The following AK3 variants were observed in gnomAD, a reference collection of about 807,000 sequenced individuals.
AK3 encodes the protein adenylate kinase 3.
Under a neutral mutation model 23.7 loss-of-function variants are expected in AK3, and 27 were observed. The observed-to-expected ratio is 1.14, with a 90% CI of 0.84 to 1.57. The LOEUF (loss-of-function observed/expected upper bound fraction) is 1.57, where lower values mean the gene tolerates loss of function less well. AK3 is among the 40% of genes most tolerant of loss of function. The probability of loss-of-function intolerance (pLI) is 0.00; values close to 1 mark genes in which losing one functional copy is unlikely to be tolerated. For synonymous variants in AK3, 159 were observed against 116.0 expected (o/e 1.37, Z -2.38); for missense variants, 406 against 285.6 (o/e 1.42, Z -3.04).
intron 1 of AK3, among the ~76,000 whole-genome samples, chr9:4,737,474 A>C (rs1485186786): frequency 2.6e-5 from 4 of 152,252 alleles, no homozygotes; most frequent in South Asian, 2.1e-4. Flanking sequence ...GAGAGGTCTG[A>C]CTCTGAGAGG....
At chr9:4,732,719 T>G (rs1232652465) in intron 1 of AK3, among the ~76,000 whole-genome samples, 1 of 152,194 alleles carries the variant, frequency 6.6e-6, no homozygotes, top group Non-Finnish European at 1.5e-5. Context: ...AAAAGCCATT[T>G]TAAATTCTGT....
chr9:4,732,283 G>A (rs1288279825), intron 1 of AK3, among the ~76,000 whole-genome samples: 1 of 152,028 alleles, frequency 6.6e-6, no homozygotes, highest in Non-Finnish European at 1.5e-5. Flanking sequence ...TCTCTCACTT[G>A]GTTTATTATA....
At chr9:4,737,651 G>A (rs145590675) in intron 1 of AK3, among the ~76,000 whole-genome samples, 42 of 152,276 alleles carry the variant, frequency 2.8e-4, no homozygotes, top group African/African-American at 8.9e-4. Flanking sequence ...CCCAGGAGTC[G>A]GAGGTCGCAG....
Position 4,740,925 on chromosome 9 carries a change from C to A in AK3, c.151+12G>T. On this transcript the variant is annotated intron_variant, in intron 1 of 4. Transcript: ENST00000381809. ...GACAGCGCACGGCCGGCCCTGGGCC[C>A]AGAGCTCCCACCTGTGCCCCGCAGC... 2 of 1,547,364 alleles carry A rather than the reference C, an allele frequency of 1.3e-6. No individual in the cohort carries two copies. Among genetic ancestry groups the A allele is most frequent in the Non-Finnish European group, 1.7e-6 (2 of 1,147,804 alleles).
intron 1 of AK3, among the ~76,000 whole-genome samples, chr9:4,739,214 T>C (rs1468559764): frequency 6.6e-6 from 1 of 151,974 alleles, no homozygotes; most frequent in Non-Finnish European, 1.5e-5. Flanking sequence ...TTTCTTTTTT[T>C]TCGAGATGGG....
Position 4,712,491 on chromosome 9 carries a change from C to T in AK3, c.*485G>A, listed in dbSNP as rs1841587319. 6.6e-6 allele frequency: 1 copy of T among 152,274 alleles called. No homozygotes were observed. The highest frequency in any genetic ancestry group is 2.4e-5 in the African/African-American group (1 of 41,430). 9.4% of individuals were successfully genotyped at this position (152,274 alleles called of 1,614,324 possible). A position where few individuals can be genotyped will look rare whatever the true frequency, so the allele number is the denominator to read the frequency against. ...TGTGTCTCACAATAAATCTGTAAAT[C>T]CAGTTGCTTTCTTTCTGGAATTTTA... On this transcript the variant is annotated 3_prime_UTR_variant, in exon 5 of 5. Transcript: ENST00000381809.
At chr9:4,725,080 T>C (rs1412741334) in intron 1 of AK3, among the ~76,000 whole-genome samples, 1 of 148,270 alleles carries the variant, frequency 6.7e-6, no homozygotes, top group Non-Finnish European at 1.5e-5. Flanking sequence ...TAAAGTGCAA[T>C]GATGTAATCT....
At chr9:4,717,367 T>A (rs1056665300) in intron 4 of AK3, among the ~76,000 whole-genome samples, 36 of 152,216 alleles carry the variant, frequency 2.4e-4, no homozygotes, top group African/African-American at 8.2e-4. Flanking sequence ...TTCCTATACG[T>A]GTTGCAGACA....
rs1433977412 is a variant in AK3 at position 4,714,171 on chromosome 9, C to CATAT, written c.564-1076_564-1075insATAT. ...ACACCTCCACATACACACACCTCCA[C>CATAT]ACATACGCCTCCACATACACACACC... On this transcript the variant is annotated intron_variant, in intron 4 of 4. Coordinates refer to ENST00000381809, the MANE Select transcript of AK3 (RefSeq NM_016282.4). Among the ~76,000 whole-genome samples, 34 of 50,140 alleles carry CATAT rather than the reference C, an allele frequency of 6.8e-4. 5 individuals carry two copies. The highest frequency in any genetic ancestry group is 2.2e-3 in the African/African-American group (33 of 15,020). The allele number at this position is 50,140 out of a possible 152,430, so 32.9% of individuals were successfully genotyped here. A position where few individuals can be genotyped will look rare whatever the true frequency, so the allele number is the denominator to read the frequency against.
intron 4 of AK3, among the ~76,000 whole-genome samples, chr9:4,713,771 A>C (rs1425562778): frequency 6.6e-6 from 1 of 152,068 alleles, no homozygotes; most frequent in African/African-American, 2.4e-5. Context: ...TATTTACTCC[A>C]GTTTCCTGTG....
chr9:4,725,678 T>C (rs1842008143), intron 1 of AK3, among the ~76,000 whole-genome samples: 1 of 152,174 alleles, frequency 6.6e-6, no homozygotes, highest in Non-Finnish European at 1.5e-5. Context: ...TTGCAAATCA[T>C]GTAGCTGGTA....
chr9:4,741,901 C>G (rs961134320), upstream of AK3: 2 of 152,470 alleles, frequency 1.3e-5, no homozygotes, highest in Non-Finnish European at 2.9e-5. Flanking sequence ...CCTCTGCTGC[C>G]GAGCGCCCTC....
intron 1 of AK3, among the ~76,000 whole-genome samples, chr9:4,740,686 T>C (rs1457592696): frequency 6.6e-6 from 1 of 152,096 alleles, no homozygotes; most frequent in East Asian, 1.9e-4. Flanking sequence ...TCCTTTCATC[T>C]CTGAACTTCG....
chr9:4,733,506 C>T (rs1842201755), intron 1 of AK3, among the ~76,000 whole-genome samples: 1 of 152,138 alleles, frequency 6.6e-6, no homozygotes, highest in African/African-American at 2.4e-5. Context: ...ATACACAGAC[C>T]TTATAATACT....
chr9:4,725,152 T>C (rs1355715700), intron 1 of AK3, among the ~76,000 whole-genome samples: 1 of 151,648 alleles, frequency 6.6e-6, no homozygotes, highest in African/African-American at 2.4e-5. Context: ...GCCTCCCAAG[T>C]AGCTGGGATT....
chr9:4,729,015 A>ATATATATTTTTTT lies in AK3; in HGVS notation c.152-6391_152-6390insAAAAAAATATATA, dbSNP rs71326127. 4.2e-3 allele frequency among the ~76,000 whole-genome samples: 544 copies of ATATATATTTTTTT among 129,406 alleles called. 9 individuals carry two copies. Among genetic ancestry groups the ATATATATTTTTTT allele is most frequent in the East Asian group, 0.033 (137 of 4,168 alleles). 84.9% of individuals were successfully genotyped at this position (129,406 alleles called of 152,430 possible). On this transcript the variant is annotated intron_variant, in intron 1 of 4. Transcript: ENST00000381809. ...CACACACACATATATATATATATAT[A>ATATATATTTTTTT]TTTTTTTTTTTTGAGACGGAATTTT...
chr9:4,741,073 C>G lies in AK3; in HGVS notation c.15G>C (p.Ala5=). 6.5e-7 allele frequency: 1 copy of G among 1,547,878 alleles called. No homozygotes were observed. The highest frequency in any genetic ancestry group is 8.7e-7 in the Non-Finnish European group (1 of 1,149,094). Reference sequence around the variant, plus strand: ...CCATGATCACCGCTCGCAGCAGCCGCGCGGACGCCCCCATGGCCGCAGACT... The same window carrying G: ...CCATGATCACCGCTCGCAGCAGCCGGGCGGACGCCCCCATGGCCGCAGACT... MGAS[A]RLLRAVIMGA... The change falls in exon 1 of 5, where the codon GCG becomes GCC. Residue 5 remains alanine (A), a synonymous_variant. Coordinates refer to ENST00000381809, the MANE Select transcript of AK3 (RefSeq NM_016282.4).
chr9:4,717,987 T>C (rs1006877680), intron 4 of AK3, among the ~76,000 whole-genome samples: 3 of 152,228 alleles, frequency 2.0e-5, no homozygotes, highest in Non-Finnish European at 4.4e-5. Context: ...GGTTCTGCAG[T>C]AGGCAGTAAC....
At position 4,741,042 on chromosome 9, in the gene AK3, G is replaced by A. The variant is rs149999263; in HGVS notation, c.46C>T (p.Pro16Ser). 266 of 1,574,730 alleles carry A rather than the reference G, an allele frequency of 1.7e-4. No homozygotes were observed. The highest frequency in any genetic ancestry group is 2.2e-4 in the Non-Finnish European group (261 of 1,163,028). ...GACACGGTGCCCTTGCCCGAGCCCGGGGCCCCCATGATCACCGCTCGCAGC... is the reference window on the plus strand; with the variant it reads ...GACACGGTGCCCTTGCCCGAGCCCGAGGCCCCCATGATCACCGCTCGCAGC... Reference protein sequence around the residue: ...RLLRAVIMGAPGSGKGTVSSR... With the variant: ...RLLRAVIMGASGSGKGTVSSR... The change falls in exon 1 of 5, where the codon CCG becomes TCG. Residue 16 changes from proline (P) to serine (S), a missense_variant. Pro to Ser is a moderately conservative substitution (Grantham distance 74). Coordinates refer to ENST00000381809, the MANE Select transcript of AK3 (RefSeq NM_016282.4).
Sources: allele counts gnomAD v4.1 joint callset (sites outside exome capture counted in the v4.1 genomes callset), GRCh38; gene constraint gnomAD v4.1.1; transcripts MANE v1.5; gene names NCBI Gene and HGNC (gene_info 2026-07-23, HGNC 2026-07-21).